The following ERO1A variants were observed in gnomAD, a reference collection of about 807,000 sequenced individuals.
The protein encoded by ERO1A is ERO1-like protein alpha.
A neutral mutation model predicts 76.9 loss-of-function variants in ERO1A; 49 were observed. The observed-to-expected ratio is 0.64, with a 90% CI of 0.51 to 0.81. ERO1A has a LOEUF of 0.81. Among genes scored for constraint, ERO1A ranks in the 30% least tolerant of loss-of-function variants. The pLI is 0.00. For missense variants in ERO1A, 448 were observed against 542.1 expected (o/e 0.83, Z 1.72); for synonymous variants, 174 against 181.2 (o/e 0.96, Z 0.32).
chr14:52,685,245 CAAG>C (rs1174517668), intron 1 of ERO1A, among the ~76,000 whole-genome samples: 4 of 152,232 alleles, frequency 2.6e-5, no homozygotes, highest in South Asian at 2.1e-4. Flanking sequence ...CAGCAATATT[CAAG>C]AAGAACTTTT....
intron 6 of ERO1A, among the ~76,000 whole-genome samples, chr14:52,671,317 G>C (rs1038941523): frequency 1.3e-5 from 2 of 152,094 alleles, no homozygotes; most frequent in African/African-American, 4.8e-5. Flanking sequence ...TTGAGTCCCT[G>C]TCTTTAATTT....
At chr14:52,665,321 A>G (rs2040377403) in intron 7 of ERO1A, among the ~76,000 whole-genome samples, 1 of 151,670 alleles carries the variant, frequency 6.6e-6, no homozygotes, top group African/African-American at 2.4e-5. Flanking sequence ...AAAACCTTTA[A>G]AGTAAATCTT....
intron 13 of ERO1A, among the ~76,000 whole-genome samples, chr14:52,648,672 A>G (rs1278172735): frequency 6.6e-6 from 1 of 152,188 alleles, no homozygotes; most frequent in East Asian, 1.9e-4. Context: ...CCTGAGTATA[A>G]GAGACTCCCA....
chr14:52,662,424 C>A (rs1444741680), intron 8 of ERO1A, among the ~76,000 whole-genome samples: 1 of 152,098 alleles, frequency 6.6e-6, no homozygotes, highest in African/African-American at 2.4e-5. Flanking sequence ...CAATCTCATC[C>A]CCTTCTAGGA....
intron 15 of ERO1A, 122 bp downstream of exon 15, chr14:52,646,032 T>C (rs995763515): frequency 3.5e-6 from 4 of 1,155,672 alleles, no homozygotes; most frequent in Non-Finnish European, 3.5e-6. Flanking sequence ...CAAAACTCCG[T>C]CTCAAAAATA....
At chr14:52,652,079 A>C (rs922298885) in intron 13 of ERO1A, among the ~76,000 whole-genome samples, 160 bp downstream of exon 13, 1 of 141,312 alleles carries the variant, frequency 7.1e-6, no homozygotes, top group African/African-American at 2.7e-5. Flanking sequence ...CAATCCTCCC[A>C]CCTCAGCCTC....
chr14:52,695,335 G>A lies in ERO1A; in HGVS notation c.114+33C>T, dbSNP rs954434434. On this transcript the variant is annotated intron_variant, in intron 1 of 15. Coordinates refer to ENST00000395686, the MANE Select transcript of ERO1A (RefSeq NM_014584.3). Reference sequence around the variant, plus strand: ...GACAGTGCACGCCGCGGAGGGCGCCGGGACCCTCAGCACCAACGCGCACAT... The same window carrying A: ...GACAGTGCACGCCGCGGAGGGCGCCAGGACCCTCAGCACCAACGCGCACAT... 5.9e-6 allele frequency: 8 copies of A among 1,353,210 alleles called. No homozygotes were observed. In the Admixed American group the frequency reaches 1.8e-4, roughly 31 times the overall value. The allele number at this position is 1,353,210 out of a possible 1,614,324, so 83.8% of individuals were successfully genotyped here.
intron 6 of ERO1A, among the ~76,000 whole-genome samples, chr14:52,669,131 C>T (rs1190230281): frequency 6.6e-6 from 1 of 152,118 alleles, no homozygotes; most frequent in Non-Finnish European, 1.5e-5. Flanking sequence ...CTATATTTCA[C>T]GTACCATTTA....
chr14:52,694,350 ACT>A (rs1369861792), intron 1 of ERO1A, among the ~76,000 whole-genome samples: 3 of 151,882 alleles, frequency 2.0e-5, no homozygotes, highest in African/African-American at 7.3e-5. Flanking sequence ...ACTCACCTCA[ACT>A]CCCAAATCAC....
rs114260068 is a variant in ERO1A, at chr14:52,644,370, T to C, written c.1347-740A>G. Among the ~76,000 whole-genome samples, 394 of 152,256 alleles carry C rather than the reference T, an allele frequency of 2.6e-3. 2 individuals carry two copies. Among genetic ancestry groups the C allele is most frequent in the African/African-American group, 9.1e-3 (378 of 41,544 alleles). On this transcript the variant is annotated intron_variant, in intron 15 of 15. Transcript: ENST00000395686. ...CAGGAGACTAAGGTGGGAGAATCTA[T>C]TGAGCCTGGGAGGCAGAGGTTTCCG... is the stretch of plus-strand genomic sequence containing the variant.
At chr14:52,654,528 T>A (rs1231739209) in intron 11 of ERO1A, among the ~76,000 whole-genome samples, 1 of 152,180 alleles carries the variant, frequency 6.6e-6, no homozygotes, top group African/African-American at 2.4e-5. Context: ...CATGAGGATG[T>A]TTTTTATATA....
At chr14:52,675,775 C>G (rs771335384) in intron 4 of ERO1A, among the ~76,000 whole-genome samples, 3 of 151,918 alleles carry the variant, frequency 2.0e-5, no homozygotes, top group Non-Finnish European at 4.4e-5. Flanking sequence ...GCTGGGACTA[C>G]AGGCACACAT....
Position 52,666,653 on chromosome 14 carries a change from G to A in ERO1A, c.509-158C>T, listed in dbSNP as rs79761521. On this transcript the variant is annotated intron_variant, in intron 6 of 15. Coordinates refer to ENST00000395686, the MANE Select transcript of ERO1A (RefSeq NM_014584.3). ...TCAGGAGAAACAAAGGAAGGAGGCC[G>A]GGTGTGGTGCCTCACACCTGTAATC... 9.2e-3 allele frequency among the ~76,000 whole-genome samples: 1,408 copies of A among 152,286 alleles called. 15 individuals carry two copies. The highest frequency in any genetic ancestry group is 0.032 in the African/African-American group (1,340 of 41,562).
At chr14:52,689,472 T>C (rs571137114) in intron 1 of ERO1A, among the ~76,000 whole-genome samples, 1 of 152,226 alleles carries the variant, frequency 6.6e-6, no homozygotes, top group South Asian at 2.1e-4. Flanking sequence ...CAAAAATCAA[T>C]TGTGCTTCTA....
intron 7 of ERO1A, among the ~76,000 whole-genome samples, chr14:52,665,117 C>T (rs1157456653): frequency 6.6e-6 from 1 of 151,556 alleles, no homozygotes; most frequent in Non-Finnish European, 1.5e-5. Flanking sequence ...GCCTGGACAA[C>T]ATGGTGAAAC....
intron 4 of ERO1A, among the ~76,000 whole-genome samples, chr14:52,677,864 TAAAAAAAAAAAAA>T (rs71267893): frequency 1.1e-5 from 1 of 87,140 alleles, no homozygotes; most frequent in Non-Finnish European, 2.1e-5. Flanking sequence ...CCTTTTATCT[TAAAAAAAAAAAAA>T]AAAAAAAAAA....
At position 52,661,290 on chromosome 14, in the gene ERO1A, T is replaced by C. The variant is rs148390561; in HGVS notation, c.688+3A>G. On this transcript the variant is annotated splice_donor_region_variant and intron_variant, in intron 9 of 15. Coordinates refer to ENST00000395686, the MANE Select transcript of ERO1A (RefSeq NM_014584.3). ...TATGTAATATATAATAAATTATACT[T>C]ACCTTCACTTGTCCCTGAAAAGCAA... 436 of 1,290,158 alleles carry C rather than the reference T, an allele frequency of 3.4e-4. 1 individual carries two copies. In the African/African-American group the frequency reaches 6.0e-3, roughly 18 times the overall value. 79.9% of individuals were successfully genotyped at this position (1,290,158 alleles called of 1,614,324 possible). A position where few individuals can be genotyped will look rare whatever the true frequency, so the allele number is the denominator to read the frequency against.
intron 14 of ERO1A, 35 bp downstream of exon 14, chr14:52,646,340 G>A (rs2039654040): frequency 6.2e-7 from 1 of 1,604,778 alleles, no homozygotes; most frequent in Non-Finnish European, 8.5e-7. Flanking sequence ...CATGCAAAGG[G>A]TAAATGAGAA....
chr14:52,681,044 T>A (rs944262560), intron 3 of ERO1A, among the ~76,000 whole-genome samples: 7 of 152,144 alleles, frequency 4.6e-5, no homozygotes, highest in Admixed American at 4.6e-4. Context: ...CTGGTAGGAA[T>A]GTAAAACGGT....
Sources: gnomAD v4.1 joint callset for allele counts (sites outside exome capture counted in the v4.1 genomes callset) on GRCh38, gnomAD v4.1.1 for gene constraint, MANE v1.5 for transcripts, NCBI Gene and HGNC (gene_info 2026-07-23, HGNC 2026-07-21) for gene names.